The following NUF2 variants were observed in gnomAD, a reference collection of about 807,000 sequenced individuals.
The protein encoded by NUF2 is kinetochore protein Nuf2.
In NUF2, 34 loss-of-function variants were observed where a neutral mutation model predicts 61.8. The ratio of observed to expected loss-of-function variants is 0.55; its 90% CI spans 0.42 to 0.73. NUF2 has a LOEUF of 0.73. Ranked by LOEUF, NUF2 falls within the 30% of genes least tolerant of loss-of-function variation. NUF2 has a pLI of 0.00. For missense variants in NUF2, 445 were observed against 539.1 expected (o/e 0.83, Z 1.73); for synonymous variants, 172 against 181.6 (o/e 0.95, Z 0.42).
In NUF2 at chr1:163,330,740, A is replaced by T. The variant is rs1020987762; in HGVS notation, c.337+1833A>T. On this transcript the variant is annotated intron_variant, in intron 5 of 13. Transcript: ENST00000271452. ...ATTTATTAAGGCTGTTAAATTTCTC[A>T]TAATGATGTACTATAAATTTCAGAG... Among the ~76,000 whole-genome samples the T allele has an allele frequency of 3.3e-5, 5 of 152,240 alleles. No individual in the cohort carries two copies. In the East Asian group the frequency reaches 9.7e-4, roughly 29 times the overall value.
At chr1:163,344,828 T>C (rs1651068089) in intron 10 of NUF2, among the ~76,000 whole-genome samples, 1 of 151,820 alleles carries the variant, frequency 6.6e-6, no homozygotes, top group African/African-American at 2.4e-5. Context: ...TGAGTATTAA[T>C]GAGAAAAGGA....
In NUF2 at chr1:163,331,161, G is replaced by A. The variant is rs12042625; in HGVS notation, c.337+2254G>A. 3.0e-3 allele frequency among the ~76,000 whole-genome samples: 452 copies of A among 151,048 alleles called. 12 individuals are homozygous for A. The East Asian group carries it at 0.042, about 14-fold the overall frequency. On this transcript the variant is annotated intron_variant, in intron 5 of 13. Transcript: ENST00000271452. ...TTTAGTCTTTCATTATTAAGTATTC[G>A]TTGTAGGATTTTTCTTAGATGTTTT...
chr1:163,347,368 T>G (rs989502111), intron 11 of NUF2, among the ~76,000 whole-genome samples: 1 of 152,208 alleles, frequency 6.6e-6, no homozygotes, highest in African/African-American at 2.4e-5. Context: ...AACTACATAG[T>G]CCCCTCATCT....
At chr1:163,347,161 A>C (rs1041238383) in intron 11 of NUF2, among the ~76,000 whole-genome samples, 12 of 152,228 alleles carry the variant, frequency 7.9e-5, no homozygotes, top group African/African-American at 2.9e-4. Flanking sequence ...AAAGTTTATT[A>C]CATAGTCTGC....
chr1:163,322,535 A>G (rs1650263297), intron 1 of NUF2, among the ~76,000 whole-genome samples: 1 of 152,264 alleles, frequency 6.6e-6, no homozygotes, highest in Non-Finnish European at 1.5e-5. Context: ...AGCAGCGCAT[A>G]TATAGCACTA....
chr1:163,352,586 G>T (rs1287778572), intron 13 of NUF2, among the ~76,000 whole-genome samples: 4 of 152,208 alleles, frequency 2.6e-5, no homozygotes, highest in Admixed American at 1.3e-4. Context: ...TTTCTGTCTG[G>T]CTGGGTGTGG....
At chr1:163,354,306 T>C (rs1350514883) in intron 13 of NUF2, among the ~76,000 whole-genome samples, 1 of 152,180 alleles carries the variant, frequency 6.6e-6, no homozygotes, top group Non-Finnish European at 1.5e-5. Flanking sequence ...ATAACTATGT[T>C]TGGATTTTTG....
chr1:163,336,640 AG>A (rs1650768555), intron 5 of NUF2, 110 bp from the exon 6 acceptor site: 1 of 670,378 alleles, frequency 1.5e-6, no homozygotes, highest in African/African-American at 1.8e-5. Flanking sequence ...TATCCTATAC[AG>A]TTTTATTTTA....
At chr1:163,355,275 T>C in intron 13 of NUF2, 60 bp from the exon 14 acceptor site, 3 of 1,293,398 alleles carry the variant, frequency 2.3e-6, no homozygotes, top group Non-Finnish European at 2.1e-6. Flanking sequence ...TTCTTATAAC[T>C]CATTTGTAGT....
At chr1:163,336,399 A>T (rs904400677) in intron 5 of NUF2, among the ~76,000 whole-genome samples, 4 of 152,074 alleles carry the variant, frequency 2.6e-5, no homozygotes, top group Non-Finnish European at 4.4e-5. Flanking sequence ...GCAGTAATGG[A>T]ATTCACCTCA....
chr1:163,349,365 T>A (rs997223280), intron 13 of NUF2, among the ~76,000 whole-genome samples: 2 of 152,152 alleles, frequency 1.3e-5, no homozygotes, highest in Non-Finnish European at 2.9e-5. Flanking sequence ...TAACTGCCAA[T>A]GTCTCTAACA....
chr1:163,349,141 CTG>C, intron 13 of NUF2, 61 bp downstream of exon 13: 1 of 1,459,524 alleles, frequency 6.9e-7, no homozygotes, highest in Non-Finnish European at 9.3e-7. Flanking sequence ...GAGTTGTTAA[CTG>C]AAACAAAACA....
chr1:163,334,951 TG>T (rs138365869), intron 5 of NUF2, among the ~76,000 whole-genome samples: 14,317 of 150,866 alleles, frequency 0.095, 907 homozygotes, highest in South Asian at 0.21. Flanking sequence ...TGTCTTGTTT[TG>T]TTTTTTTTGT....
intron 6 of NUF2, 51 bp from the exon 7 acceptor site, chr1:163,337,969 C>G (rs1650816968): frequency 7.3e-7 from 1 of 1,367,548 alleles, no homozygotes; most frequent in Non-Finnish European, 1.0e-6. Context: ...TTTGGACACA[C>G]TGATTGTGTT....
intron 13 of NUF2, among the ~76,000 whole-genome samples, chr1:163,353,930 G>T (rs1651408730): frequency 6.6e-6 from 1 of 151,992 alleles, no homozygotes; most frequent in South Asian, 2.1e-4. Context: ...TGAAATGGTT[G>T]GTTCAGATAC....
intron 1 of NUF2, among the ~76,000 whole-genome samples, chr1:163,322,653 G>T (rs1315961565): frequency 1.3e-5 from 2 of 152,132 alleles, no homozygotes; most frequent in African/African-American, 4.8e-5. Context: ...TCTCTGCCTC[G>T]TGGAACTGTG....
chr1:163,326,638 T>G (rs1571373244), intron 2 of NUF2, among the ~76,000 whole-genome samples: 1 of 152,128 alleles, frequency 6.6e-6, no homozygotes. Context: ...GTTTTTTATA[T>G]CTTTAGTTAT....
At chr1:163,325,419 A>G (rs940064416) in intron 1 of NUF2, among the ~76,000 whole-genome samples, 6 of 152,174 alleles carry the variant, frequency 3.9e-5, no homozygotes, top group African/African-American at 7.2e-5. Flanking sequence ...ATAACTCACT[A>G]CGTGAAGACA....
intron 5 of NUF2, among the ~76,000 whole-genome samples, chr1:163,334,209 A>C (rs1650683927): frequency 6.6e-6 from 1 of 152,156 alleles, no homozygotes; most frequent in Admixed American, 6.5e-5. Context: ...TTTAAAATCC[A>C]ATCCTCCACT....
Sources: allele counts gnomAD v4.1 joint callset (sites outside exome capture counted in the v4.1 genomes callset), GRCh38; gene constraint gnomAD v4.1.1; transcripts MANE v1.5; gene names NCBI Gene and HGNC (gene_info 2026-07-23, HGNC 2026-07-21).